Variants in COLEC10 observed in about 807,000 individuals in gnomAD.
The protein encoded by COLEC10 is collectin subfamily member 10, also known as collectin-10.
A neutral mutation model predicts 28.4 loss-of-function variants in COLEC10; 22 were observed. The observed-to-expected ratio is 0.78, with a 90% CI of 0.55 to 1.11. COLEC10 has a LOEUF of 1.11. Ranked by LOEUF, COLEC10 falls within the 50% of genes least tolerant of loss-of-function variation. The probability of loss-of-function intolerance (pLI) is 0.00; values close to 1 mark genes in which losing one functional copy is unlikely to be tolerated. For missense variants in COLEC10, 361 were observed against 344.1 expected (o/e 1.05, Z -0.39); for synonymous variants, 125 against 116.1 (o/e 1.08, Z -0.49).
At chr8:119,053,104 C>T (rs1318761234) in intron 2 of COLEC10, among the ~76,000 whole-genome samples, 2 of 152,050 alleles carry the variant, frequency 1.3e-5, no homozygotes, top group Non-Finnish European at 2.9e-5. Flanking sequence ...ATTTGATGTG[C>T]TCTACAATAA....
chr8:119,036,920 G>A (rs1587011329), intron 2 of COLEC10, among the ~76,000 whole-genome samples: 1 of 152,298 alleles, frequency 6.6e-6, no homozygotes, highest in East Asian at 1.9e-4. Context: ...GAGAGAAGCA[G>A]TAGCTGTAGG....
At chr8:119,040,498 C>T (rs1181776386) in intron 2 of COLEC10, among the ~76,000 whole-genome samples, 2 of 152,026 alleles carry the variant, frequency 1.3e-5, no homozygotes, top group Non-Finnish European at 2.9e-5. Context: ...GTGGACAGCC[C>T]ATCCCTCCTA....
chr8:118,980,714 CTTTA>C, the COLEC10 span, among the ~76,000 whole-genome samples: 1 of 151,808 alleles, frequency 6.6e-6, no homozygotes, highest in Admixed American at 6.6e-5. Flanking sequence ...GAAATGAAAT[CTTTA>C]TTTATGGTAA....
intron 1 of COLEC10, chr8:119,067,845 TA>T (rs1259247353): frequency 6.5e-6 from 1 of 154,424 alleles, no homozygotes; most frequent in Non-Finnish European, 1.4e-5. Flanking sequence ...AAAAGGTCAG[TA>T]ACATAAAACT....
rs1587024542 is a variant in COLEC10, at chr8:119,055,565, G to A, written n.236-34115G>A. Among the ~76,000 whole-genome samples the A allele has an allele frequency of 3.3e-5, 5 of 152,108 alleles. No individual in the cohort carries two copies. The South Asian group carries it at 6.2e-4, about 19-fold the overall frequency. On this transcript the variant is annotated intron_variant and non_coding_transcript_variant, in intron 2 of 6. Transcript: ENST00000521788. ...AAAGCTGGCTCCATGCCTCAAAAAT[G>A]TCAAGTCACAACTCAGGTTTAACAG...
intron 1 of COLEC10, among the ~76,000 whole-genome samples, chr8:119,000,945 A>G (rs1039047323): frequency 2.0e-5 from 3 of 152,186 alleles, no homozygotes; most frequent in Non-Finnish European, 4.4e-5. Context: ...TGGGACCACA[A>G]TCAGTTCATA....
the COLEC10 span, among the ~76,000 whole-genome samples, chr8:118,956,695 A>G: frequency 6.6e-6 from 1 of 152,182 alleles, no homozygotes; most frequent in African/African-American, 2.4e-5. Flanking sequence ...ATAAATGTTT[A>G]TATCAACAGA....
upstream of COLEC10, among the ~76,000 whole-genome samples, chr8:119,063,692 G>GAT (rs60428482): frequency 3.0e-3 from 450 of 147,820 alleles, 1 homozygote; most frequent in Non-Finnish European, 4.9e-3. Flanking sequence ...GTTAGATGTG[G>GAT]ATATATATAT....
At chr8:119,013,503 A>C (rs1338359549) in intron 2 of COLEC10, among the ~76,000 whole-genome samples, 2 of 150,804 alleles carry the variant, frequency 1.3e-5, no homozygotes, top group Non-Finnish European at 2.9e-5. Flanking sequence ...GGTTGAGTTC[A>C]ACTCAATGTC....
the COLEC10 span, among the ~76,000 whole-genome samples, chr8:118,989,572 CACACACCCCT>C: frequency 2.7e-5 from 4 of 148,998 alleles, no homozygotes; most frequent in African/African-American, 1.0e-4. Flanking sequence ...CACACACACA[CACACACCCCT>C]ACCTACCCAT....
At chr8:119,104,683 C>G (rs1587068958) in intron 5 of COLEC10, among the ~76,000 whole-genome samples, 1 of 152,080 alleles carries the variant, frequency 6.6e-6, no homozygotes, top group African/African-American at 2.4e-5. Flanking sequence ...CACATAGATG[C>G]TGTCTCGTGT....
chr8:119,001,584 A>G (rs1008701214), intron 1 of COLEC10, among the ~76,000 whole-genome samples: 1 of 152,092 alleles, frequency 6.6e-6, no homozygotes, highest in Non-Finnish European at 1.5e-5. Context: ...CTCAATAAAA[A>G]CTTGGTAATT....
the COLEC10 span, among the ~76,000 whole-genome samples, chr8:118,986,137 A>T: frequency 6.6e-6 from 1 of 152,184 alleles, no homozygotes; most frequent in Non-Finnish European, 1.5e-5. Context: ...GAAAACTCCA[A>T]ACAAAACCAA....
chr8:118,966,558 T>G, the COLEC10 span, among the ~76,000 whole-genome samples: 1 of 152,162 alleles, frequency 6.6e-6, no homozygotes, highest in Non-Finnish European at 1.5e-5. Context: ...CCATGTCTTT[T>G]AAGCCTGTCA....
the COLEC10 span, among the ~76,000 whole-genome samples, chr8:118,971,170 A>G: frequency 6.6e-6 from 1 of 151,936 alleles, no homozygotes; most frequent in Non-Finnish European, 1.5e-5. Flanking sequence ...AGGGTTTCAG[A>G]CAAGCAACCA....
chr8:119,039,553 G>T (rs986212446), intron 2 of COLEC10, among the ~76,000 whole-genome samples: 3 of 152,178 alleles, frequency 2.0e-5, no homozygotes, highest in Non-Finnish European at 4.4e-5. Context: ...AGGACATTTG[G>T]TGTGGAATGG....
intron 1 of COLEC10, among the ~76,000 whole-genome samples, chr8:118,998,734 C>G (rs530225059): frequency 6.8e-6 from 1 of 147,172 alleles, no homozygotes; most frequent in African/African-American, 2.5e-5. Flanking sequence ...GTAGTCCCAT[C>G]TATTTGAGAG....
intron 1 of COLEC10, among the ~76,000 whole-genome samples, chr8:119,081,878 T>C (rs1236181227): frequency 6.6e-6 from 1 of 152,210 alleles, no homozygotes. Flanking sequence ...ATTTGCAAGA[T>C]AGTTGGGAAA....
intron 1 of COLEC10, among the ~76,000 whole-genome samples, chr8:118,996,320 A>G (rs1324664067): frequency 6.6e-6 from 1 of 152,208 alleles, no homozygotes; most frequent in Non-Finnish European, 1.5e-5. Context: ...TACAATAAAC[A>G]TGGGACGGCG....
Sources: gnomAD v4.1 joint callset for allele counts (sites outside exome capture counted in the v4.1 genomes callset) on GRCh38, gnomAD v4.1.1 for gene constraint, MANE v1.5 for transcripts, NCBI Gene and HGNC (gene_info 2026-07-23, HGNC 2026-07-21) for gene names.